TSNARE1: variants seen among roughly 807,000 people sequenced by gnomAD.
The protein encoded by TSNARE1 is t-SNARE domain containing 1.
In TSNARE1, 49 loss-of-function variants were observed where a neutral mutation model predicts 62.0. That is an observed-to-expected ratio of 0.79 (90% confidence interval 0.63 to 1.00). The LOEUF is 1.00. Among genes scored for constraint, TSNARE1 ranks in the 50% least tolerant of loss-of-function variants. The probability of loss-of-function intolerance (pLI) is 0.00; values close to 1 mark genes in which losing one functional copy is unlikely to be tolerated. For synonymous variants in TSNARE1, 328 were observed against 294.4 expected, an observed-to-expected ratio of 1.11 and a Z score of -1.17; for missense variants, 755 against 700.1, an observed-to-expected ratio of 1.08 and a Z score of -0.88.
Position 142,235,465 on chromosome 8 carries a change from G to A in TSNARE1, c.1447-5886C>T, listed in dbSNP as rs191972341. 9.7e-3 allele frequency among the ~76,000 whole-genome samples: 1,356 copies of A among 139,346 alleles called. 10 individuals carry two copies. Among genetic ancestry groups the A allele is most frequent in the Non-Finnish European group, 0.016 (1,030 of 65,968 alleles). 91.4% of individuals were successfully genotyped at this position (139,346 alleles called of 152,430 possible). A position where few individuals can be genotyped will look rare whatever the true frequency, so the allele number is the denominator to read the frequency against. On this transcript the variant is annotated intron_variant, in intron 12 of 13. Transcript: ENST00000524325. Reference sequence around the variant, plus strand: ...CCTGGCCCCCCATTCCTCAGGAACCGCTTCCCATGCAAATGCATTCAGAAC... The same window carrying A: ...CCTGGCCCCCCATTCCTCAGGAACCACTTCCCATGCAAATGCATTCAGAAC...
chr8:142,380,595 G>C (rs1005839625), intron 1 of TSNARE1, among the ~76,000 whole-genome samples: 1 of 150,738 alleles, frequency 6.6e-6, no homozygotes, highest in Non-Finnish European at 1.5e-5. Flanking sequence ...CCAGACTGTA[G>C]GCTCCCTGCA....
chr8:142,223,172 A>ATTCACTCACTC lies in TSNARE1; in HGVS notation c.*11+6300_*11+6301insGAGTGAGTGAA, dbSNP rs879688669. On this transcript the variant is annotated intron_variant, in intron 13 of 13. Coordinates refer to ENST00000524325, the MANE Select transcript of TSNARE1 (RefSeq NM_145003.5). ...CACTCACTCATTCACTCACTCACTC[A>ATTCACTCACTC]AGTATTCACTCATTCACTCGTTCAC... Among the ~76,000 whole-genome samples the ATTCACTCACTC allele has an allele frequency of 4.7e-4, 16 of 34,398 alleles. 1 individual carries two copies. The highest frequency in any genetic ancestry group is 1.4e-3 in the East Asian group (1 of 714). The allele number at this position is 34,398 out of a possible 152,430, so 22.6% of individuals were successfully genotyped here. A position where few individuals can be genotyped will look rare whatever the true frequency, so the allele number is the denominator to read the frequency against.
intron 1 of TSNARE1, among the ~76,000 whole-genome samples, chr8:142,378,907 C>T (rs927799211): frequency 2.6e-5 from 4 of 152,158 alleles, no homozygotes; most frequent in East Asian, 1.9e-4. Flanking sequence ...TCTGAGGCCC[C>T]GGGTGGCGCA....
chr8:142,230,161 G>T (rs1252508257), intron 12 of TSNARE1, among the ~76,000 whole-genome samples: 2 of 152,220 alleles, frequency 1.3e-5, no homozygotes, highest in African/African-American at 4.8e-5. Flanking sequence ...ATTAGATAGG[G>T]ATTTGAAGGC....
intron 1 of TSNARE1, among the ~76,000 whole-genome samples, chr8:142,381,545 T>C (rs1289628872): frequency 1.3e-5 from 2 of 152,064 alleles, no homozygotes; most frequent in Non-Finnish European, 2.9e-5. Context: ...GGAGTGTGTC[T>C]TGGAGCTCAG....
At chr8:142,246,228 C>A (rs1386646322) in intron 12 of TSNARE1, among the ~76,000 whole-genome samples, 1 of 152,128 alleles carries the variant, frequency 6.6e-6, no homozygotes, top group Non-Finnish European at 1.5e-5. Context: ...GCCACCCCTA[C>A]CCCCATGAAG....
chr8:142,372,986 G>A (rs184743947), intron 1 of TSNARE1, among the ~76,000 whole-genome samples: 5 of 152,284 alleles, frequency 3.3e-5, no homozygotes, highest in South Asian at 2.1e-4. Flanking sequence ...ATTTCTGGAC[G>A]CTTTTTCTTG....
intron 6 of TSNARE1, among the ~76,000 whole-genome samples, chr8:142,320,053 C>T (rs992456024): frequency 3.9e-5 from 6 of 152,114 alleles, no homozygotes; most frequent in Admixed American, 6.5e-5. Context: ...CCCTCACCCC[C>T]GCTCCCACCA....
At chr8:142,292,421 T>C (rs1823950984) in intron 10 of TSNARE1, among the ~76,000 whole-genome samples, 1 of 152,136 alleles carries the variant, frequency 6.6e-6, no homozygotes, top group South Asian at 2.1e-4. Flanking sequence ...GACTGCAATG[T>C]GCTTGCTGAT....
upstream of TSNARE1, chr8:142,406,366 A>G (rs1279130593): frequency 1.3e-5 from 2 of 152,200 alleles, no homozygotes; most frequent in Admixed American, 6.5e-5. Context: ...ACATCGTTCT[A>G]TTAGCTGCGT....
chr8:142,245,910 G>A (rs4976985), intron 12 of TSNARE1, among the ~76,000 whole-genome samples: 79,230 of 152,024 alleles, frequency 0.52, 21,488 homozygotes, highest in African/African-American at 0.65. Flanking sequence ...AAAAGCTCAT[G>A]CAACAACAAT....
At chr8:142,390,673 CCG>C (rs1564013955) in intron 1 of TSNARE1, among the ~76,000 whole-genome samples, 1 of 6,902 alleles carries the variant, frequency 1.4e-4, no homozygotes, top group Non-Finnish European at 2.7e-4. Context: ...GCGGGGGACT[CCG>C]TAACAGACGC....
chr8:142,392,508 A>G (rs977630903), intron 1 of TSNARE1, among the ~76,000 whole-genome samples: 2 of 152,212 alleles, frequency 1.3e-5, no homozygotes, highest in Non-Finnish European at 2.9e-5. Flanking sequence ...GATACCCTGC[A>G]CTACATCATG....
At chr8:142,223,328 ACTCG>A (rs773364785) in intron 13 of TSNARE1, among the ~76,000 whole-genome samples, 20 of 128,098 alleles carry the variant, frequency 1.6e-4, no homozygotes, top group East Asian at 4.6e-4. Flanking sequence ...TCATTCACTC[ACTCG>A]TTCACTCATT....
chr8:142,220,838 G>A (rs1050326382), intron 13 of TSNARE1, among the ~76,000 whole-genome samples: 7 of 152,126 alleles, frequency 4.6e-5, no homozygotes, highest in African/African-American at 1.2e-4. Context: ...GTGCAACCTC[G>A]GGCTGAATAC....
intron 12 of TSNARE1, chr8:142,270,625 G>A (rs1819445543): frequency 1.0e-6 from 1 of 985,362 alleles, no homozygotes; most frequent in Non-Finnish European, 1.2e-6. Flanking sequence ...GCCCACCAAA[G>A]GGACAGGGGC....
At chr8:142,348,198 C>G (rs368025704) in intron 2 of TSNARE1, among the ~76,000 whole-genome samples, 8 of 152,208 alleles carry the variant, frequency 5.3e-5, no homozygotes, top group African/African-American at 1.9e-4. Flanking sequence ...AAATGCTGCA[C>G]GTATGGCTTT....
intron 1 of TSNARE1, among the ~76,000 whole-genome samples, chr8:142,377,695 G>A (rs1008027428): frequency 6.6e-5 from 10 of 152,154 alleles, no homozygotes; most frequent in Non-Finnish European, 1.2e-4. Context: ...GTGGGGGTGC[G>A]AAGCAGCACA....
chr8:142,377,127 C>T (rs1243780763), intron 1 of TSNARE1, among the ~76,000 whole-genome samples: 4 of 152,234 alleles, frequency 2.6e-5, no homozygotes, highest in East Asian at 1.9e-4. Context: ...TCATGTTCTC[C>T]GCAGACACTC....
Sources: gnomAD v4.1 joint callset for allele counts (sites outside exome capture counted in the v4.1 genomes callset) on GRCh38, gnomAD v4.1.1 for gene constraint, MANE v1.5 for transcripts, NCBI Gene and HGNC (gene_info 2026-07-23, HGNC 2026-07-21) for gene names.